The following AGAP1 variants were observed in gnomAD, a reference collection of about 807,000 sequenced individuals.
AGAP1 encodes arf-GAP with GTPase, ANK repeat and PH domain-containing protein 1.
A neutral mutation model predicts 105.3 loss-of-function variants in AGAP1; 29 were observed. That is an observed-to-expected ratio of 0.28 (90% confidence interval 0.21 to 0.38). The LOEUF (loss-of-function observed/expected upper bound fraction) is 0.38, where lower values mean the gene tolerates loss of function less well. Among genes scored for constraint, AGAP1 ranks in the 10% least tolerant of loss-of-function variants. AGAP1 has a pLI of 1.00. For missense variants in AGAP1, 998 were observed against 1,165.1 expected (o/e 0.86, Z 2.09); for synonymous variants, 509 against 485.9 (o/e 1.05, Z -0.63).
intron 11 of AGAP1, among the ~76,000 whole-genome samples, chr2:235,918,586 T>C (rs1575777477): frequency 6.6e-6 from 1 of 152,254 alleles, no homozygotes; most frequent in East Asian, 1.9e-4. Context: ...CGTGTGGTAT[T>C]GTTTCCATCA....
intron 13 of AGAP1, among the ~76,000 whole-genome samples, chr2:235,984,505 A>G (rs1433037156): frequency 6.6e-6 from 1 of 151,618 alleles, no homozygotes; most frequent in Admixed American, 6.6e-5. Flanking sequence ...AAAAAAAAAA[A>G]AAATAGATGC....
chr2:235,732,406 C>T lies in AGAP1; in HGVS notation c.311-8557C>T, dbSNP rs1435397557. ...TGCCGTTTTGATCCTCAGATCTGGACGTTTCCATTTTATCTCATATTGTTT... is the reference window on the plus strand; with the variant it reads ...TGCCGTTTTGATCCTCAGATCTGGATGTTTCCATTTTATCTCATATTGTTT... On this transcript the variant is annotated intron_variant, in intron 3 of 17. Transcript: ENST00000304032. The surrounding 1 kb of genome is among the most constrained non-coding windows in gnomAD (Gnocchi z 4.8). Among the ~76,000 whole-genome samples, 2 of 152,106 alleles carry T rather than the reference C, an allele frequency of 1.3e-5. No individual in the cohort carries two copies. The highest frequency in any genetic ancestry group is 2.4e-5 in the African/African-American group (1 of 41,416).
chr2:236,043,848 G>A (rs1576154746), intron 15 of AGAP1, among the ~76,000 whole-genome samples: 2 of 152,134 alleles, frequency 1.3e-5, no homozygotes, highest in East Asian at 3.9e-4. Context: ...GGTATTTAGA[G>A]GGGAAAGATC....
At chr2:235,573,472 C>T (rs1256145627) in intron 1 of AGAP1, among the ~76,000 whole-genome samples, 1 of 152,148 alleles carries the variant, frequency 6.6e-6, no homozygotes, top group Non-Finnish European at 1.5e-5. Flanking sequence ...AAACATTCAA[C>T]TTAATTTTCA....
intron 1 of AGAP1, among the ~76,000 whole-genome samples, chr2:235,676,128 TC>T (rs1948722538): frequency 6.6e-6 from 1 of 152,190 alleles, no homozygotes. Context: ...AGAGCACAGT[TC>T]CTGTCTTCAG....
rs778729453 is a variant in AGAP1, at chr2:236,049,266, C to T, written c.2099C>T (p.Ser700Leu). ...EESSQGRTKP[S>L]VDSTREEKER... ...AGCAGCCAGGGGCGGACGAAACCATCGGTAGACTCCACAAGGTAGGAACTT... is the reference window on the plus strand; with the variant it reads ...AGCAGCCAGGGGCGGACGAAACCATTGGTAGACTCCACAAGGTAGGAACTT... Residue 700 changes from serine (S) to leucine (L), a missense_variant, in exon 16 of 18, where the codon TCG becomes TTG. Transcript: ENST00000304032. 1.5e-5 allele frequency: 25 copies of T among 1,613,914 alleles called. No individual in the cohort carries two copies. Among genetic ancestry groups the T allele is most frequent in the African/African-American group, 6.7e-5 (5 of 74,934 alleles).
rs931815041 is a variant in AGAP1, at chr2:236,113,493, A to G, written c.2115-6699A>G. Reference sequence around the variant, plus strand: ...TTGAGGGTGTTACCAGGAATGATCAATAAAGTCAGTTACTGTCATCCTTAA... The same window carrying G: ...TTGAGGGTGTTACCAGGAATGATCAGTAAAGTCAGTTACTGTCATCCTTAA... On this transcript the variant is annotated intron_variant, in intron 16 of 17. Coordinates refer to ENST00000304032, the MANE Select transcript of AGAP1 (RefSeq NM_001037131.3). The surrounding 1 kb of genome is among the most constrained non-coding windows in gnomAD (Gnocchi z 4.3). Among the ~76,000 whole-genome samples the G allele has an allele frequency of 6.6e-6, 1 of 152,218 alleles. No homozygotes were observed. The highest frequency in any genetic ancestry group is 1.9e-4 in the East Asian group (1 of 5,200).
At chr2:235,807,689 C>G (rs568392768) in intron 9 of AGAP1, among the ~76,000 whole-genome samples, 17 of 152,308 alleles carry the variant, frequency 1.1e-4, no homozygotes, top group Admixed American at 7.8e-4. Flanking sequence ...CTTGTGATCA[C>G]AGGAACAGCC....
chr2:235,683,010 T>A (rs1427997938), intron 1 of AGAP1, among the ~76,000 whole-genome samples: 2 of 152,090 alleles, frequency 1.3e-5, no homozygotes, highest in Non-Finnish European at 2.9e-5. Context: ...TTCTTCCCTT[T>A]AAGACAGAAC....
At chr2:236,011,167 A>G (rs1014492276) in intron 13 of AGAP1, among the ~76,000 whole-genome samples, 4 of 152,230 alleles carry the variant, frequency 2.6e-5, no homozygotes, top group Admixed American at 2.6e-4. Context: ...TGATACCCGC[A>G]TGTAGCACCC....
At chr2:235,707,472 A>ACCCCCCCCCCCCCC (rs1250772330) in intron 1 of AGAP1, among the ~76,000 whole-genome samples, 19 of 22,410 alleles carry the variant, frequency 8.5e-4, no homozygotes, top group Non-Finnish European at 2.0e-3. Flanking sequence ...CCTCCCCATG[A>ACCCCCCCCCCCCCC]CCCCCCCCCC....
At chr2:235,856,321 A>G (rs1166475096) in intron 9 of AGAP1, among the ~76,000 whole-genome samples, 2 of 152,204 alleles carry the variant, frequency 1.3e-5, no homozygotes, top group African/African-American at 2.4e-5. Flanking sequence ...TGGGTTTTCC[A>G]TATAAGAAAA....
At chr2:236,022,803 GTT>G (rs1029640904) in intron 13 of AGAP1, among the ~76,000 whole-genome samples, 1 of 152,136 alleles carries the variant, frequency 6.6e-6, no homozygotes, top group African/African-American at 2.4e-5. Context: ...CTCTGAAACT[GTT>G]AGGATTACAG....
At position 235,962,203 on chromosome 2, in the gene AGAP1, G is replaced by A. The variant is rs1290890987; in HGVS notation, c.1484-6259G>A. On this transcript the variant is annotated intron_variant, in intron 12 of 17. Transcript: ENST00000304032. This position sits in a 1 kb window ranked among gnomAD's most constrained non-coding sequence, Gnocchi z 5.3. ...GTGGGAAGTGGGTTACTACAGAAGT[G>A]AGGTAGGATTGAAGGGCAGGCCAGA... Among the ~76,000 whole-genome samples the A allele has an allele frequency of 6.6e-6, 1 of 152,120 alleles. No homozygotes were observed. The highest frequency in any genetic ancestry group is 1.9e-4 in the East Asian group (1 of 5,170).
chr2:235,815,243 A>G (rs1242452920), intron 9 of AGAP1, among the ~76,000 whole-genome samples: 3 of 152,100 alleles, frequency 2.0e-5, no homozygotes, highest in African/African-American at 7.2e-5. Context: ...GCACAAGTTG[A>G]TCTCTCGGTT....
intron 16 of AGAP1, among the ~76,000 whole-genome samples, chr2:236,086,293 G>C (rs2058927100): frequency 1.3e-5 from 2 of 152,294 alleles, no homozygotes; most frequent in South Asian, 2.1e-4. Context: ...GAAATTCTCA[G>C]AAGGCGAGAC....
At chr2:235,680,644 G>A (rs1949014775) in intron 1 of AGAP1, among the ~76,000 whole-genome samples, 1 of 152,122 alleles carries the variant, frequency 6.6e-6, no homozygotes, top group South Asian at 2.1e-4. Context: ...CTGACAGGGT[G>A]AATGTACTAG....
intron 13 of AGAP1, among the ~76,000 whole-genome samples, chr2:235,987,193 A>T (rs898368818): frequency 1.3e-5 from 2 of 151,650 alleles, no homozygotes; most frequent in African/African-American, 4.8e-5. Flanking sequence ...TTATTTGTCT[A>T]TTCAGGGATT....
In AGAP1 at chr2:235,860,898, C is replaced by G. The variant is rs2048902079; in HGVS notation, c.1051-22447C>G. 2.6e-5 allele frequency among the ~76,000 whole-genome samples: 4 copies of G among 152,212 alleles called. No homozygotes were observed. In the South Asian group the frequency reaches 8.3e-4, roughly 32 times the overall value. The stretch of plus-strand genomic sequence containing the variant: ...AATTATTTAATATTGTTGATGGGGC[C>G]CATAAAACAAATAGTACCAAATCTC... On this transcript the variant is annotated intron_variant, in intron 9 of 17. Transcript: ENST00000304032.
Sources: gnomAD v4.1 joint callset for allele counts (sites outside exome capture counted in the v4.1 genomes callset) on GRCh38, gnomAD v4.1.1 for gene constraint, Gnocchi (gnomAD v3.1) non-coding constraint, MANE v1.5 for transcripts, NCBI Gene and HGNC (gene_info 2026-07-23, HGNC 2026-07-21) for gene names.